Variants in TMEM132C observed in about 807,000 individuals in gnomAD.
The protein encoded by TMEM132C is protein phosphatase 1, regulatory subunit 152.
Under a neutral mutation model 61.4 loss-of-function variants are expected in TMEM132C, and 29 were observed. That is an observed-to-expected ratio of 0.47 (90% confidence interval 0.35 to 0.64). TMEM132C has a LOEUF of 0.64. Among genes scored for constraint, TMEM132C ranks in the 30% least tolerant of loss-of-function variants. TMEM132C has a pLI of 0.00. For synonymous variants in TMEM132C, 656 were observed against 633.1 expected (o/e 1.04, Z -0.54); for missense variants, 1,408 against 1,476.9 (o/e 0.95, Z 0.76).
Position 128,622,363 on chromosome 12 carries a change from ATATATATATATATATATATATAT to A in TMEM132C, c.1305+6029_1305+6051del, listed in dbSNP as rs1953976004. ...TGTCTCAAAAAAAAAAAAAAAAAAT[ATATATATATATATATATATATAT>A]ATATATATATATATAACCAGGAAAC... On this transcript the variant is annotated intron_variant, in intron 4 of 8. Coordinates refer to ENST00000435159, the MANE Select transcript of TMEM132C (RefSeq NM_001136103.3). Among the ~76,000 whole-genome samples, 334 of 56,746 alleles carry A rather than the reference ATATATATATATATATATATATAT, an allele frequency of 5.9e-3. 8 individuals are homozygous for A. Among genetic ancestry groups the A allele is most frequent in the Non-Finnish European group, 9.2e-3 (283 of 30,616 alleles). The allele number at this position is 56,746 out of a possible 152,430, so 37.2% of individuals were successfully genotyped here.
chr12:128,415,576 T>C lies in TMEM132C; in HGVS notation c.930T>C (p.Tyr310=). 1.3e-6 allele frequency: 2 copies of C among 1,549,078 alleles called. No individual in the cohort carries two copies. The highest frequency in any genetic ancestry group is 1.2e-5 in the South Asian group (1 of 83,766). The change falls in exon 2 of 9, where the codon TAT becomes TAC. Residue 310 remains tyrosine (Y), a synonymous_variant. Transcript: ENST00000435159. This position sits in a 1 kb window ranked among gnomAD's most constrained non-coding sequence, Gnocchi z 5.8. ...AGCAGGGAGAGGTGGTCACGGCCTA[T>C]GTCACCATCTCGAGCAATTCCTCTG... is the stretch of plus-strand genomic sequence containing the variant. ...PVKQGEVVTA[Y]VTISSNSSVD...
intron 2 of TMEM132C, among the ~76,000 whole-genome samples, chr12:128,456,078 C>A (rs1389383465): frequency 6.6e-6 from 1 of 152,050 alleles, no homozygotes; most frequent in African/African-American, 2.4e-5. Context: ...TGAGGCCATG[C>A]CTGAGTGAAG....
intron 2 of TMEM132C, among the ~76,000 whole-genome samples, chr12:128,497,652 G>A (rs941176535): frequency 1.3e-5 from 2 of 152,188 alleles, no homozygotes; most frequent in South Asian, 4.1e-4. Context: ...ATAATCTCCT[G>A]GTGTGCCGTT....
chr12:128,461,312 G>A (rs1870525568), intron 2 of TMEM132C, among the ~76,000 whole-genome samples: 1 of 152,138 alleles, frequency 6.6e-6, no homozygotes, highest in South Asian at 2.1e-4. Flanking sequence ...GAGCATTGTG[G>A]GTGGGGGAGG....
chr12:128,632,944 C>T (rs1055604304), intron 4 of TMEM132C, among the ~76,000 whole-genome samples: 1 of 152,118 alleles, frequency 6.6e-6, no homozygotes, highest in African/African-American at 2.4e-5. Context: ...TAGTAATTAT[C>T]GATTGGTGCA....
At chr12:128,453,895 A>G (rs568038395) in intron 2 of TMEM132C, among the ~76,000 whole-genome samples, 30 of 152,310 alleles carry the variant, frequency 2.0e-4, no homozygotes, top group Admixed American at 5.2e-4. Context: ...CTCAACAATT[A>G]TGTTCGATTT....
intron 1 of TMEM132C, among the ~76,000 whole-genome samples, chr12:128,412,211 C>T (rs192750491): frequency 3.3e-5 from 5 of 152,114 alleles, no homozygotes; most frequent in African/African-American, 4.8e-5. Flanking sequence ...TTTACTCACC[C>T]GTGTTGATAT....
At chr12:128,471,849 T>C (rs1870963742) in intron 2 of TMEM132C, among the ~76,000 whole-genome samples, 1 of 152,202 alleles carries the variant, frequency 6.6e-6, no homozygotes, top group Admixed American at 6.5e-5. Flanking sequence ...TATAAGTGCT[T>C]GTTGAATAAC....
chr12:128,332,472 G>T (rs997277916), intron 1 of TMEM132C, among the ~76,000 whole-genome samples: 1 of 152,142 alleles, frequency 6.6e-6, no homozygotes. Flanking sequence ...TTCTCTCTCT[G>T]CTGTGAGCCA....
Position 128,439,667 on chromosome 12 carries a change from T to C in TMEM132C, c.974+24047T>C, listed in dbSNP as rs574330439. Among the ~76,000 whole-genome samples the C allele has an allele frequency of 2.6e-5, 4 of 152,276 alleles. No homozygotes were observed. In the South Asian group the frequency reaches 8.3e-4, roughly 32 times the overall value. ...TCAGCTGCCAGCTTTCAGCACACCCTACACAAGGCCATCTGGAGACCCAGA... is the reference window on the plus strand; with the variant it reads ...TCAGCTGCCAGCTTTCAGCACACCCCACACAAGGCCATCTGGAGACCCAGA... On this transcript the variant is annotated intron_variant, in intron 2 of 8. Transcript: ENST00000435159.
At chr12:128,636,896 A>G (rs1310795698) in intron 4 of TMEM132C, among the ~76,000 whole-genome samples, 1 of 152,110 alleles carries the variant, frequency 6.6e-6, no homozygotes, top group African/African-American at 2.4e-5. Context: ...TTTGCATAGT[A>G]TAGGGTCCTC....
At chr12:128,496,805 A>G (rs533886121) in intron 2 of TMEM132C, among the ~76,000 whole-genome samples, 1 of 152,194 alleles carries the variant, frequency 6.6e-6, no homozygotes, top group South Asian at 2.1e-4. Flanking sequence ...GAGAAGTTTG[A>G]TTATCTGAAG....
intron 2 of TMEM132C, among the ~76,000 whole-genome samples, chr12:128,457,304 G>GT (rs1555225471): frequency 2.5e-5 from 3 of 119,854 alleles, no homozygotes; most frequent in African/African-American, 3.6e-5. Flanking sequence ...TTCTCCATCT[G>GT]TAAAAAAAAA....
chr12:128,486,148 A>G (rs1220334812), intron 2 of TMEM132C, among the ~76,000 whole-genome samples: 4 of 152,174 alleles, frequency 2.6e-5, no homozygotes, highest in African/African-American at 7.2e-5. Context: ...CCTAGAACAC[A>G]GTCTGCTTGG....
At chr12:128,703,813 C>T (rs1221106296) in intron 8 of TMEM132C, among the ~76,000 whole-genome samples, 5 of 152,192 alleles carry the variant, frequency 3.3e-5, no homozygotes, top group Non-Finnish European at 5.9e-5. Flanking sequence ...GGAGAAAATG[C>T]GTTCTGTAAT....
At chr12:128,391,876 A>G (rs372535899) in intron 1 of TMEM132C, among the ~76,000 whole-genome samples, 2 of 152,328 alleles carry the variant, frequency 1.3e-5, no homozygotes, top group East Asian at 3.9e-4. Flanking sequence ...TGGCCTTCGA[A>G]CTAAGAATAG....
chr12:128,473,422 ATCTTTG>A (rs1871041260), intron 2 of TMEM132C, among the ~76,000 whole-genome samples: 1 of 147,312 alleles, frequency 6.8e-6, no homozygotes, highest in Non-Finnish European at 1.5e-5. Context: ...CTCCATCTTC[ATCTTTG>A]CTCCAGCCTC....
At chr12:128,523,887 C>A (rs1872995131) in intron 2 of TMEM132C, among the ~76,000 whole-genome samples, 1 of 151,612 alleles carries the variant, frequency 6.6e-6, no homozygotes, top group Admixed American at 6.6e-5. Context: ...GTGGCACACA[C>A]CTGTAGTCCC....
At chr12:128,551,700 C>T (rs560665117) in intron 3 of TMEM132C, among the ~76,000 whole-genome samples, 3 of 152,274 alleles carry the variant, frequency 2.0e-5, no homozygotes, top group Admixed American at 6.5e-5. Flanking sequence ...ACACATCTTG[C>T]GGTTCTTTTG....
Sources: gnomAD v4.1 joint callset for allele counts (sites outside exome capture counted in the v4.1 genomes callset) on GRCh38, gnomAD v4.1.1 for gene constraint, Gnocchi (gnomAD v3.1) non-coding constraint, MANE v1.5 for transcripts, NCBI Gene and HGNC (gene_info 2026-07-23, HGNC 2026-07-21) for gene names.